SEPTIN9: variants seen among roughly 807,000 people sequenced by gnomAD.
The protein encoded by SEPTIN9 is septin 9.
SEPTIN9 carries 13 observed loss-of-function variants against 56.6 expected under a neutral mutation model. The observed-to-expected ratio is 0.23, with a 90% CI of 0.15 to 0.37. SEPTIN9 has a LOEUF of 0.37. Among genes scored for constraint, SEPTIN9 ranks in the 10% least tolerant of loss-of-function variants. The pLI is 1.00. For synonymous variants in SEPTIN9, 332 were observed against 334.1 expected, an observed-to-expected ratio of 0.99 and a Z score of 0.07; for missense variants, 650 against 823.1, an observed-to-expected ratio of 0.79 and a Z score of 2.57.
At chr17:77,333,582 T>G (rs2143719860) in intron 2 of SEPTIN9, among the ~76,000 whole-genome samples, 1 of 152,340 alleles carries the variant, frequency 6.6e-6, no homozygotes, top group South Asian at 2.1e-4. Context: ...CTTTAATTTT[T>G]ATGAAGTCTA....
intron 1 of SEPTIN9, among the ~76,000 whole-genome samples, chr17:77,283,189 A>G (rs1212397485): frequency 7.0e-6 from 1 of 143,362 alleles, no homozygotes; most frequent in Non-Finnish European, 1.5e-5. Context: ...AAAAAAAAGG[A>G]CAGAACCTTT....
In SEPTIN9 at chr17:77,330,885, G is replaced by C. The variant is rs2033321135; in HGVS notation, c.76+23688G>C. 6.6e-6 allele frequency among the ~76,000 whole-genome samples: 1 copy of C among 152,194 alleles called. No homozygotes were observed. Among genetic ancestry groups the C allele is most frequent in the African/African-American group, 2.4e-5 (1 of 41,456 alleles). Reference sequence around the variant, plus strand: ...GGCTTGTGGCCCTCAGTCTGGGCTTGGTCTCCCGCAATTCACCCTGCCCAG... The same window carrying C: ...GGCTTGTGGCCCTCAGTCTGGGCTTCGTCTCCCGCAATTCACCCTGCCCAG... On this transcript the variant is annotated intron_variant, in intron 2 of 11. Transcript: ENST00000427177. The surrounding 1 kb of genome is among the most constrained non-coding windows in gnomAD (Gnocchi z 4.4).
At chr17:77,347,406 A>G (rs983333503) in intron 2 of SEPTIN9, among the ~76,000 whole-genome samples, 1 of 151,472 alleles carries the variant, frequency 6.6e-6, no homozygotes, top group Non-Finnish European at 1.5e-5. Context: ...GTCTCCACCT[A>G]TGATTGTGGA....
chr17:77,342,754 C>T (rs2033772464), intron 2 of SEPTIN9, among the ~76,000 whole-genome samples: 1 of 152,112 alleles, frequency 6.6e-6, no homozygotes, highest in Non-Finnish European at 1.5e-5. Flanking sequence ...AGGCGGATCC[C>T]TTGAGCTCAG....
rs1265510391 is a variant in SEPTIN9 at position 77,449,107 on chromosome 17, G to A, written c.722-33037G>A. ...CTTGTTCTTACATTTTTTATTGTAG[G>A]TGCTGGAAAATGTAAGGTTGCGTCT... is the stretch of plus-strand genomic sequence containing the variant. On this transcript the variant is annotated intron_variant, in intron 3 of 11. Coordinates refer to ENST00000427177, the MANE Select transcript of SEPTIN9 (RefSeq NM_001113491.2). The surrounding 1 kb of genome is among the most constrained non-coding windows in gnomAD (Gnocchi z 4.6). 6.6e-6 allele frequency among the ~76,000 whole-genome samples: 1 copy of A among 152,082 alleles called. No homozygotes were observed. Among genetic ancestry groups the A allele is most frequent in the Non-Finnish European group, 1.5e-5 (1 of 68,018 alleles).
chr17:77,290,259 CTT>C (rs368699907), intron 1 of SEPTIN9, among the ~76,000 whole-genome samples: 34 of 135,210 alleles, frequency 2.5e-4, no homozygotes, highest in Admixed American at 3.0e-4. Context: ...AAAATAAATT[CTT>C]TTTTTTTTTT....
intron 3 of SEPTIN9, chr17:77,481,775 A>G (rs2039466341): frequency 3.6e-6 from 1 of 276,860 alleles, no homozygotes; most frequent in Non-Finnish European, 6.9e-6. Context: ...AGCACCCTCC[A>G]CCCTTGTCTG....
In SEPTIN9 at chr17:77,330,192, C is replaced by T. The variant is rs188220533; in HGVS notation, c.76+22995C>T. On this transcript the variant is annotated intron_variant, in intron 2 of 11. Coordinates refer to ENST00000427177, the MANE Select transcript of SEPTIN9 (RefSeq NM_001113491.2). The surrounding 1 kb of genome is among the most constrained non-coding windows in gnomAD (Gnocchi z 4.4). ...GCTCTGTCCCCTCTGCGTCCTGTGCCGTGGGTGAGAGAGGGCTTCGGGGGG... is the reference window on the plus strand; with the variant it reads ...GCTCTGTCCCCTCTGCGTCCTGTGCTGTGGGTGAGAGAGGGCTTCGGGGGG... 3.9e-3 allele frequency among the ~76,000 whole-genome samples: 598 copies of T among 152,336 alleles called. 1 individual carries two copies. Among genetic ancestry groups the T allele is most frequent in the African/African-American group, 0.013 (547 of 41,586 alleles).
At chr17:77,484,445 ATGGTGGTGGTGGTGATTG>A (rs1904721730) in intron 4 of SEPTIN9, among the ~76,000 whole-genome samples, 1 of 61,552 alleles carries the variant, frequency 1.6e-5, no homozygotes, top group Admixed American at 1.3e-4. Flanking sequence ...GATGGTGGTG[ATGGTGGTGGTGGTGATTG>A]TGGTGGTGGT....
At position 77,356,192 on chromosome 17, in the gene SEPTIN9, A is replaced by G. The variant is rs116587820; in HGVS notation, c.77-45867A>G. The stretch of plus-strand genomic sequence containing the variant: ...GCGACACTGTGTCTCAGCCTCATTC[A>G]TTTCTCCATCCTACAGACACTGCCT... On this transcript the variant is annotated intron_variant, in intron 2 of 11. Coordinates refer to ENST00000427177, the MANE Select transcript of SEPTIN9 (RefSeq NM_001113491.2). 4.3e-3 allele frequency among the ~76,000 whole-genome samples: 648 copies of G among 152,108 alleles called. 6 individuals carry two copies. Among genetic ancestry groups the G allele is most frequent in the African/African-American group, 0.014 (591 of 41,492 alleles).
intron 2 of SEPTIN9, among the ~76,000 whole-genome samples, chr17:77,341,769 A>G (rs1382371110): frequency 1.6e-5 from 2 of 122,140 alleles, no homozygotes; most frequent in African/African-American, 6.3e-5. Flanking sequence ...TGGGCAACAG[A>G]GCGAGACTCC....
In SEPTIN9 at chr17:77,405,038, C is replaced by G; in HGVS notation, c.721+2335C>G. The G allele has an allele frequency of 2.6e-6, 4 of 1,526,514 alleles. No homozygotes were observed. The South Asian group carries it at 3.6e-5, about 14-fold the overall frequency. The allele number at this position is 1,526,514 out of a possible 1,614,324, so 94.6% of individuals were successfully genotyped here. A position where few individuals can be genotyped will look rare whatever the true frequency, so the allele number is the denominator to read the frequency against. On this transcript the variant is annotated intron_variant, in intron 3 of 11. Coordinates refer to ENST00000427177, the MANE Select transcript of SEPTIN9 (RefSeq NM_001113491.2). This position sits in a 1 kb window ranked among gnomAD's most constrained non-coding sequence, Gnocchi z 5.8. ...TTGATGTGTTCACACTCAGCTGAGT[C>G]AAACAGGATGTGGCTGGGGAGGCGG... is the stretch of plus-strand genomic sequence containing the variant.
Position 77,371,544 on chromosome 17 carries a change from G to T in SEPTIN9, c.77-30515G>T, listed in dbSNP as rs1172958255. On this transcript the variant is annotated intron_variant, in intron 2 of 11. Transcript: ENST00000427177. The surrounding 1 kb of genome is among the most constrained non-coding windows in gnomAD (Gnocchi z 4.1). ...GCCGGACCCGGCATCTTCCCAGGGG[G>T]GCTGTGTTGTTGGGCTGAGTTTCTT... Among the ~76,000 whole-genome samples the T allele has an allele frequency of 6.6e-6, 1 of 152,312 alleles. No individual in the cohort carries two copies. Among genetic ancestry groups the T allele is most frequent in the East Asian group, 1.9e-4 (1 of 5,190 alleles).
Position 77,449,555 on chromosome 17 carries a change from G to A in SEPTIN9, c.722-32589G>A, listed in dbSNP as rs1012067479. Among the ~76,000 whole-genome samples, 3 of 152,236 alleles carry A rather than the reference G, an allele frequency of 2.0e-5. No individual in the cohort carries two copies. Among genetic ancestry groups the A allele is most frequent in the African/African-American group, 7.2e-5 (3 of 41,456 alleles). ...TCGGAGAGGAGGGCCAAGGAAGAAGGGTTCTGCCCACGGGGAGGGAGAGGC... is the reference window on the plus strand; with the variant it reads ...TCGGAGAGGAGGGCCAAGGAAGAAGAGTTCTGCCCACGGGGAGGGAGAGGC... On this transcript the variant is annotated intron_variant, in intron 3 of 11. Transcript: ENST00000427177. This position sits in a 1 kb window ranked among gnomAD's most constrained non-coding sequence, Gnocchi z 4.6.
chr17:77,331,093 A>C (rs2033331532), intron 2 of SEPTIN9, among the ~76,000 whole-genome samples: 1 of 152,180 alleles, frequency 6.6e-6, no homozygotes, highest in Non-Finnish European at 1.5e-5. Context: ...AGTGGCTCAC[A>C]CCTGCAATCC....
intron 3 of SEPTIN9, among the ~76,000 whole-genome samples, chr17:77,480,798 G>C (rs574082234): frequency 3.3e-4 from 51 of 152,292 alleles, no homozygotes; most frequent in Admixed American, 9.8e-4. Flanking sequence ...AGCGCAGGAT[G>C]CCTGAGGCCA....
Position 77,498,763 on chromosome 17 carries a change from A to T in SEPTIN9, c.*105A>T. The stretch of plus-strand genomic sequence containing the variant: ...TTTTATATGATTTTCTCCATTTGTC[A>T]TCGTTCCCCACCCCTTCGACATGCT... On this transcript the variant is annotated 3_prime_UTR_variant, in exon 12 of 12. Coordinates refer to ENST00000427177, the MANE Select transcript of SEPTIN9 (RefSeq NM_001113491.2). 3 of 634,418 alleles carry T rather than the reference A, an allele frequency of 4.7e-6. No homozygotes were observed. The highest frequency in any genetic ancestry group is 7.9e-6 in the Non-Finnish European group (3 of 377,496). 39.3% of individuals were successfully genotyped at this position (634,418 alleles called of 1,614,324 possible).
intron 3 of SEPTIN9, among the ~76,000 whole-genome samples, chr17:77,479,387 G>T (rs9906082): frequency 6.6e-6 from 1 of 152,190 alleles, no homozygotes; most frequent in African/African-American, 2.4e-5. Flanking sequence ...AGCTCACCTG[G>T]CCAGGTAGGA....
intron 1 of SEPTIN9, among the ~76,000 whole-genome samples, chr17:77,283,774 C>T (rs1258605944): frequency 6.6e-6 from 1 of 152,188 alleles, no homozygotes; most frequent in African/African-American, 2.4e-5. Context: ...GGGGCAATCT[C>T]AAGTACCGTG....
Sources: gnomAD v4.1 joint callset for allele counts (sites outside exome capture counted in the v4.1 genomes callset) on GRCh38, gnomAD v4.1.1 for gene constraint, Gnocchi (gnomAD v3.1) non-coding constraint, MANE v1.5 for transcripts, NCBI Gene and HGNC (gene_info 2026-07-23, HGNC 2026-07-21) for gene names.